The following VAV3 variants were observed in gnomAD, a reference collection of about 807,000 sequenced individuals.
VAV3 encodes guanine nucleotide exchange factor VAV3.
VAV3 carries 94 observed loss-of-function variants against 131.2 expected under a neutral mutation model. The ratio of observed to expected loss-of-function variants is 0.72; its 90% CI spans 0.61 to 0.85. The LOEUF is 0.85. Ranked by LOEUF, VAV3 falls within the 40% of genes least tolerant of loss-of-function variation. The pLI, the probability that VAV3 is intolerant of heterozygous loss-of-function variation, is 0.00. For synonymous variants in VAV3, 349 were observed against 342.0 expected (o/e 1.02, Z -0.22); for missense variants, 939 against 1,002.7 (o/e 0.94, Z 0.86).
At chr1:107,834,365 GC>G (rs1237300079) in intron 2 of VAV3, among the ~76,000 whole-genome samples, 7 of 151,946 alleles carry the variant, frequency 4.6e-5, no homozygotes, top group African/African-American at 1.7e-4. Context: ...AAACCACTGG[GC>G]CCCATGCAGT....
intron 1 of VAV3, among the ~76,000 whole-genome samples, chr1:107,938,408 A>G (rs1673826901): frequency 6.6e-6 from 1 of 152,182 alleles, no homozygotes; most frequent in Admixed American, 6.5e-5. Context: ...TCAGGACCAC[A>G]GGGGTGGGTT....
intron 1 of VAV3, among the ~76,000 whole-genome samples, chr1:107,896,860 G>T (rs541699150): frequency 6.6e-6 from 1 of 152,220 alleles, no homozygotes; most frequent in East Asian, 1.9e-4. Context: ...GTTTACAATG[G>T]ATCACATGTG....
At chr1:107,654,690 C>A (rs1453305605) in intron 19 of VAV3, among the ~76,000 whole-genome samples, 3 of 151,880 alleles carry the variant, frequency 2.0e-5, no homozygotes, top group African/African-American at 7.2e-5. Flanking sequence ...TAAAGAGTTT[C>A]TTTAATCAAC....
chr1:107,920,538 T>C lies in VAV3; in HGVS notation c.204+44128A>G, dbSNP rs1672845372. 2.0e-5 allele frequency among the ~76,000 whole-genome samples: 3 copies of C among 152,248 alleles called. No individual in the cohort carries two copies. In the South Asian group the frequency reaches 6.2e-4, roughly 31 times the overall value. On this transcript the variant is annotated intron_variant, in intron 1 of 26. Transcript: ENST00000370056. ...GATATCTCACAAATGTGTATATCTCTGGATAATCTGTTTCCAAATCAGGAA... is the reference window on the plus strand; with the variant it reads ...GATATCTCACAAATGTGTATATCTCCGGATAATCTGTTTCCAAATCAGGAA...
At chr1:107,902,160 G>C (rs1250293612) in intron 1 of VAV3, among the ~76,000 whole-genome samples, 1 of 152,008 alleles carries the variant, frequency 6.6e-6, no homozygotes, top group Non-Finnish European at 1.5e-5. Flanking sequence ...GAAAGCTTAA[G>C]AACTTCTGCT....
chr1:107,617,505 A>T, intron 21 of VAV3, 62 bp downstream of exon 21: 1 of 1,466,198 alleles, frequency 6.8e-7, no homozygotes, highest in Non-Finnish European at 9.4e-7. Flanking sequence ...AGATTTTTGC[A>T]CAATTAATCA....
chr1:107,811,410 C>T (rs1425293927), intron 2 of VAV3, among the ~76,000 whole-genome samples: 4 of 152,088 alleles, frequency 2.6e-5, no homozygotes, highest in East Asian at 1.9e-4. Flanking sequence ...AATAGGATGA[C>T]GCTCTGGAAA....
intron 17 of VAV3, among the ~76,000 whole-genome samples, chr1:107,695,870 G>A (rs141610076): frequency 6.6e-6 from 1 of 152,224 alleles, no homozygotes; most frequent in East Asian, 1.9e-4. Context: ...CCATTAAAAG[G>A]TAGAGTAAAA....
chr1:107,831,168 T>TA (rs1035764500), intron 2 of VAV3, among the ~76,000 whole-genome samples: 174 of 148,978 alleles, frequency 1.2e-3, no homozygotes, highest in African/African-American at 4.1e-3. Flanking sequence ...TTTGTGAGTT[T>TA]AAAAAAAAAA....
intron 15 of VAV3, among the ~76,000 whole-genome samples, chr1:107,722,733 G>A (rs902807252): frequency 2.6e-5 from 4 of 151,864 alleles, no homozygotes; most frequent in African/African-American, 4.8e-5. Flanking sequence ...GCACCGAGGC[G>A]CTGTTTCATC....
intron 2 of VAV3, among the ~76,000 whole-genome samples, chr1:107,805,157 C>G (rs1403959514): frequency 1.3e-5 from 2 of 152,128 alleles, no homozygotes; most frequent in African/African-American, 2.4e-5. Flanking sequence ...GGGGTTGAAT[C>G]TGTTTGCTGT....
intron 19 of VAV3, chr1:107,673,564 TC>T (rs1006624282): frequency 3.3e-4 from 51 of 152,348 alleles, no homozygotes; most frequent in African/African-American, 1.1e-3. Flanking sequence ...CCTCTGTATC[TC>T]CCTGATCTCA....
At chr1:107,575,030 T>TGTGTGTGTG (rs1193462733) in intron 25 of VAV3, among the ~76,000 whole-genome samples, 1 of 126,022 alleles carries the variant, frequency 7.9e-6, no homozygotes, top group South Asian at 2.8e-4. Context: ...CGCGCGCGTG[T>TGTGTGTGTG]TTAATATTCG....
chr1:107,596,185 A>T (rs774819181), intron 25 of VAV3, 27 bp downstream of exon 25: 1 of 1,596,492 alleles, frequency 6.3e-7, no homozygotes, highest in Non-Finnish European at 8.5e-7. Context: ...AGTGACAGCA[A>T]ATTGTATTCT....
At chr1:107,720,332 G>T (rs1285501873) in intron 15 of VAV3, among the ~76,000 whole-genome samples, 1 of 150,726 alleles carries the variant, frequency 6.6e-6, no homozygotes, top group Non-Finnish European at 1.5e-5. Flanking sequence ...GCAGTGAGCT[G>T]TGATCATGCC....
chr1:107,747,040 C>T (rs989272588), intron 15 of VAV3, among the ~76,000 whole-genome samples: 15 of 151,992 alleles, frequency 9.9e-5, no homozygotes, highest in Non-Finnish European at 1.8e-4. Context: ...CCACCACACC[C>T]GGCTAATTTT....
At chr1:107,662,760 G>T (rs917653367) in intron 19 of VAV3, among the ~76,000 whole-genome samples, 104 of 152,088 alleles carry the variant, frequency 6.8e-4, no homozygotes, top group African/African-American at 2.3e-3. Context: ...GGGCCTAATG[G>T]GTAGAAAAAG....
intron 1 of VAV3, among the ~76,000 whole-genome samples, chr1:107,878,158 A>G (rs1260914509): frequency 6.6e-6 from 1 of 152,192 alleles, no homozygotes; most frequent in Non-Finnish European, 1.5e-5. Context: ...ATATATTTAT[A>G]AATGTATTAT....
intron 19 of VAV3, among the ~76,000 whole-genome samples, chr1:107,681,936 A>AG (rs1439399148): frequency 6.6e-6 from 1 of 152,198 alleles, no homozygotes; most frequent in African/African-American, 2.4e-5. Flanking sequence ...CTGGGATTAC[A>AG]GGCGTGAGCC....
Sources: allele counts gnomAD v4.1 joint callset (sites outside exome capture counted in the v4.1 genomes callset), GRCh38; gene constraint gnomAD v4.1.1; transcripts MANE v1.5; gene names NCBI Gene and HGNC (gene_info 2026-07-23, HGNC 2026-07-21).